The following ATF6 variants were observed in gnomAD, a reference collection of about 807,000 sequenced individuals.
ATF6 encodes activating transcription factor 6.
A neutral mutation model predicts 83.6 loss-of-function variants in ATF6; 53 were observed. The ratio of observed to expected loss-of-function variants is 0.63; its 90% confidence interval spans 0.51 to 0.80. The LOEUF is 0.80. ATF6 is among the 30% of genes least tolerant of loss of function. The pLI is 0.00. For synonymous variants in ATF6, 288 were observed against 285.8 expected, an observed-to-expected ratio of 1.01 and a Z score of -0.08; for missense variants, 744 against 797.9, an observed-to-expected ratio of 0.93 and a Z score of 0.81.
chr1:161,769,272 T>C (rs1221965714), intron 1 of ATF6, among the ~76,000 whole-genome samples: 1 of 152,240 alleles, frequency 6.6e-6, no homozygotes, highest in Non-Finnish European at 1.5e-5. Flanking sequence ...AGTATAATTA[T>C]AGATTTACAC....
intron 9 of ATF6, among the ~76,000 whole-genome samples, chr1:161,840,821 C>T (rs1373171214): frequency 6.6e-6 from 1 of 152,178 alleles, no homozygotes; most frequent in Non-Finnish European, 1.5e-5. Context: ...CCTAAAACTA[C>T]TGTGACTCTT....
At chr1:161,900,835 T>C (rs1687771439) in intron 14 of ATF6, among the ~76,000 whole-genome samples, 1 of 152,136 alleles carries the variant, frequency 6.6e-6, no homozygotes, top group Non-Finnish European at 1.5e-5. Flanking sequence ...ACATTTGAAA[T>C]AGATAATTAA....
intron 9 of ATF6, among the ~76,000 whole-genome samples, chr1:161,831,850 C>T (rs1042774956): frequency 9.9e-5 from 15 of 151,216 alleles, no homozygotes; most frequent in East Asian, 3.9e-4. Flanking sequence ...ATGTAAATGG[C>T]GAGTTAATGG....
intron 14 of ATF6, among the ~76,000 whole-genome samples, chr1:161,872,688 T>A (rs923110485): frequency 6.6e-6 from 1 of 151,396 alleles, no homozygotes; most frequent in Non-Finnish European, 1.5e-5. Context: ...TGAAAGAAAC[T>A]CATTTGTCTT....
At chr1:161,847,460 G>A (rs914774929) in intron 10 of ATF6, among the ~76,000 whole-genome samples, 1 of 152,102 alleles carries the variant, frequency 6.6e-6, no homozygotes, top group African/African-American at 2.4e-5. Flanking sequence ...TGTTATTTTT[G>A]TGGAGTACAG....
chr1:161,842,567 C>T (rs1686382591), intron 9 of ATF6, among the ~76,000 whole-genome samples: 1 of 152,084 alleles, frequency 6.6e-6, no homozygotes, highest in African/African-American at 2.4e-5. Flanking sequence ...TTCGCAGCAA[C>T]CTGGATGGGA....
intron 14 of ATF6, among the ~76,000 whole-genome samples, chr1:161,909,885 G>A (rs1488826424): frequency 6.6e-6 from 1 of 152,218 alleles, no homozygotes; most frequent in East Asian, 1.9e-4. Flanking sequence ...GAACCCGGGA[G>A]GCGGAGCTTG....
chr1:161,858,639 A>G (rs1686815832), intron 12 of ATF6, among the ~76,000 whole-genome samples: 1 of 152,198 alleles, frequency 6.6e-6, no homozygotes, highest in African/African-American at 2.4e-5. Context: ...AAAGTGACAG[A>G]ACTTGAGAAA....
intron 14 of ATF6, among the ~76,000 whole-genome samples, chr1:161,877,948 C>T (rs1041695775): frequency 5.3e-5 from 8 of 151,870 alleles, no homozygotes; most frequent in Admixed American, 1.3e-4. Flanking sequence ...TTGGGGGGCA[C>T]GGTAATATGT....
intron 9 of ATF6, 108 bp from the exon 10 acceptor site, chr1:161,846,341 C>G: frequency 8.1e-7 from 1 of 1,235,260 alleles, no homozygotes; most frequent in South Asian, 1.6e-5. Context: ...ATTTTTGTTA[C>G]GTGCATGGAT....
chr1:161,889,764 G>A (rs1435409296), intron 14 of ATF6, among the ~76,000 whole-genome samples: 2 of 152,210 alleles, frequency 1.3e-5, no homozygotes, highest in Non-Finnish European at 2.9e-5. Context: ...CAAAAGCATG[G>A]ATTTTGTGGT....
chr1:161,962,044 C>G lies in ATF6; in HGVS notation c.*3390C>G, dbSNP rs752206097. The G allele has an allele frequency of 6.6e-6, 1 of 152,156 alleles. No individual in the cohort carries two copies. The highest frequency in any genetic ancestry group is 1.5e-5 in the Non-Finnish European group (1 of 68,026). The allele number at this position is 152,156 out of a possible 1,614,324, so 9.4% of individuals were successfully genotyped here. A position where few individuals can be genotyped will look rare whatever the true frequency, so the allele number is the denominator to read the frequency against. Reference sequence around the variant, plus strand: ...GTTTGCCATGCTTGTAGTACAGAAACTTCACATGGAGTTTTGGGTGGGATT... The same window carrying G: ...GTTTGCCATGCTTGTAGTACAGAAAGTTCACATGGAGTTTTGGGTGGGATT... On this transcript the variant is annotated 3_prime_UTR_variant, in exon 16 of 16. Transcript: ENST00000367942.
intron 7 of ATF6, among the ~76,000 whole-genome samples, chr1:161,805,563 C>T (rs1366561096): frequency 1.3e-5 from 2 of 151,742 alleles, no homozygotes; most frequent in Non-Finnish European, 2.9e-5. Context: ...CAGGCCAACC[C>T]ACTCAGGAAC....
At chr1:161,807,570 T>C (rs1685320381) in intron 7 of ATF6, among the ~76,000 whole-genome samples, 2 of 152,230 alleles carry the variant, frequency 1.3e-5, no homozygotes, top group Non-Finnish European at 2.9e-5. Flanking sequence ...AAATTACTTC[T>C]GTGCTGACTG....
At chr1:161,919,541 A>T (rs1427905332) in intron 15 of ATF6, among the ~76,000 whole-genome samples, 14 of 152,200 alleles carry the variant, frequency 9.2e-5, no homozygotes, top group Non-Finnish European at 4.4e-5. Flanking sequence ...TTAATGGTAG[A>T]TAGCTAAACT....
rs375739606 is a variant in ATF6 at position 161,846,598 on chromosome 1, T to C, written c.1319+18T>C. 7 of 1,588,392 alleles carry C rather than the reference T, an allele frequency of 4.4e-6. No homozygotes were observed. The African/African-American group carries it at 9.5e-5, about 22-fold the overall frequency. ...AGCTACAGGTAAGATGGCATGCATC[T>C]ATCTTTTGGCCTAAGTGATTTAATG... On this transcript the variant is annotated intron_variant, in intron 10 of 15. Transcript: ENST00000367942.
chr1:161,882,265 T>C (rs1197402384), intron 14 of ATF6, among the ~76,000 whole-genome samples: 3 of 152,088 alleles, frequency 2.0e-5, no homozygotes, highest in Admixed American at 6.6e-5. Context: ...TAGATAATTA[T>C]AACAAAAGTG....
chr1:161,919,387 A>G (rs2101894084), intron 15 of ATF6, among the ~76,000 whole-genome samples: 1 of 152,330 alleles, frequency 6.6e-6, no homozygotes, highest in Middle Eastern at 3.4e-3. Flanking sequence ...ACTGTAAGCT[A>G]ACATTTCCTG....
chr1:161,876,404 T>C (rs1687217759), intron 14 of ATF6, among the ~76,000 whole-genome samples: 1 of 152,026 alleles, frequency 6.6e-6, no homozygotes, highest in Non-Finnish European at 1.5e-5. Context: ...ACAATTTTAT[T>C]AGTCTCTCAG....
Sources: gnomAD v4.1 joint callset for allele counts (sites outside exome capture counted in the v4.1 genomes callset) on GRCh38, gnomAD v4.1.1 for gene constraint, MANE v1.5 for transcripts, NCBI Gene and HGNC (gene_info 2026-07-23, HGNC 2026-07-21) for gene names.